OR9A4: variants seen among roughly 807,000 people sequenced by gnomAD.
OR9A4 encodes the protein olfactory receptor 9A4.
OR9A4 carries 16 observed loss-of-function variants against 17.1 expected under a neutral mutation model. The ratio of observed to expected loss-of-function variants is 0.94; its 90% CI spans 0.64 to 1.43. The LOEUF (loss-of-function observed/expected upper bound fraction) is 1.43. OR9A4 is among the 40% of genes most tolerant of loss of function. The pLI is 0.00. For missense variants in OR9A4, 392 were observed against 382.1 expected (o/e 1.03, Z -0.22); for synonymous variants, 167 against 143.3 (o/e 1.17, Z -1.18).
In OR9A4 at chr7:141,919,609, T is replaced by A; in HGVS notation, c.734T>A (p.Phe245Tyr). ...RKSFSTCASHFTCVVIGYGSC... is the reference protein window; with the variant it reads ...RKSFSTCASHYTCVVIGYGSC... Reference sequence around the variant, plus strand: ...TCCTTCTCCACTTGTGCCTCCCACTTCACCTGTGTTGTGATTGGCTACGGC... The same window carrying A: ...TCCTTCTCCACTTGTGCCTCCCACTACACCTGTGTTGTGATTGGCTACGGC... The change falls in exon 2 of 2, where the codon TTC (phenylalanine) becomes TAC (tyrosine). Residue 245 changes from phenylalanine (F) to tyrosine (Y), a missense_variant. Physicochemically the swap from Phe to Tyr is conservative, Grantham distance 22 (BLOSUM62 3). Coordinates refer to ENST00000641559, the MANE Select transcript of OR9A4 (RefSeq NM_001001656.3). 6.2e-7 allele frequency: 1 copy of A among 1,614,190 alleles called. No homozygotes were observed. Among genetic ancestry groups the A allele is most frequent in the Non-Finnish European group, 8.5e-7 (1 of 1,180,034 alleles).
rs1554439001 is a variant in OR9A4 at position 141,918,919 on chromosome 7, G to T, written c.44G>T (p.Gly15Val). ...AGTGCCACTGAATTTTATCTCCTTG[G>T]CTTCCCTGGCTCTGAAGAACTACAT... ...YSSATEFYLL[G>V]FPGSEELHHI... The change falls in exon 2 of 2, where the codon GGC (glycine) becomes GTC (valine). Residue 15 changes from glycine (G) to valine (V), a missense_variant. Coordinates refer to ENST00000641559, the MANE Select transcript of OR9A4 (RefSeq NM_001001656.3). 6.2e-7 allele frequency: 1 copy of T among 1,613,442 alleles called. No homozygotes were observed. The highest frequency in any genetic ancestry group is 2.2e-5 in the East Asian group (1 of 44,872).
rs1554439165 is a variant in OR9A4, at chr7:141,919,740, A to G, written c.865A>G (p.Ile289Val). Residue 289 changes from isoleucine (I) to valine (V), a missense_variant, in exon 2 of 2, where the codon ATC becomes GTC. Transcript: ENST00000641559. The part of the protein sequence containing the change: ...SVVTPFLNPF[I>V]FTLRNDKVIE... ...AGTAACTCCTTTCCTCAATCCTTTC[A>G]TCTTCACCCTCCGGAATGATAAAGT... The G allele has an allele frequency of 1.2e-6, 2 of 1,614,066 alleles. No individual in the cohort carries two copies. Among genetic ancestry groups the G allele is most frequent in the East Asian group, 2.2e-5 (1 of 44,862 alleles).
intron 1 of OR9A4, among the ~76,000 whole-genome samples, chr7:141,917,711 C>T (rs1156565724): frequency 1.3e-5 from 2 of 152,164 alleles, no homozygotes; most frequent in African/African-American, 4.8e-5. Flanking sequence ...AAGTTCCAGC[C>T]TCTTCACTCC....
At chr7:141,916,820 C>A (rs1229443960) in intron 1 of OR9A4, among the ~76,000 whole-genome samples, 184 bp downstream of exon 1, 1 of 152,166 alleles carries the variant, frequency 6.6e-6, no homozygotes, top group African/African-American at 2.4e-5. Flanking sequence ...AGGGCAGAAT[C>A]ATTTCTTCTC....
At position 141,919,732 on chromosome 7, in the gene OR9A4, A is replaced by G. The variant is rs1379170446; in HGVS notation, c.857A>G (p.Asn286Ser). Residue 286 changes from asparagine (N) to serine (S), a missense_variant, in exon 2 of 2, where the codon AAT becomes AGT. Physicochemically the swap from Asn to Ser is conservative, Grantham distance 46. Transcript: ENST00000641559. ...GTTTCAGTAGTAACTCCTTTCCTCA[A>G]TCCTTTCATCTTCACCCTCCGGAAT... is the stretch of plus-strand genomic sequence containing the variant. ...LMVSVVTPFLNPFIFTLRNDK... is the reference protein window; with the variant it reads ...LMVSVVTPFLSPFIFTLRNDK... 3 of 1,614,004 alleles carry G rather than the reference A, an allele frequency of 1.9e-6. No individual in the cohort carries two copies. Among genetic ancestry groups the G allele is most frequent in the African/African-American group, 2.7e-5 (2 of 74,898 alleles).
rs1563070027 is a variant in OR9A4 at position 141,919,512 on chromosome 7, C to G, written c.637C>G (p.Pro213Ala). ...TTTTGTTCTCTTTGGTTCTTTGATCCCTACAATTGTCTCCAACGCCTACAT... is the reference window on the plus strand; with the variant it reads ...TTTTGTTCTCTTTGGTTCTTTGATCGCTACAATTGTCTCCAACGCCTACAT... ...AVFVLFGSLI[P>A]TIVSNAYIIS... Residue 213 changes from proline (P) to alanine (A), a missense_variant, in exon 2 of 2, where the codon CCT (proline) becomes GCT (alanine). By Grantham distance (27) the Pro-to-Ala change is conservative. Coordinates refer to ENST00000641559, the MANE Select transcript of OR9A4 (RefSeq NM_001001656.3). 5.0e-6 allele frequency: 8 copies of G among 1,614,012 alleles called. No homozygotes were observed. The highest frequency in any genetic ancestry group is 1.1e-5 in the South Asian group (1 of 91,078).
At position 141,919,875 on chromosome 7, in the gene OR9A4, T is replaced by A; in HGVS notation, c.*55T>A. On this transcript the variant is annotated 3_prime_UTR_variant, in exon 2 of 2. Transcript: ENST00000641559. ...GCACTTAGTATGGATTCTAGAATAATCTGAAAAGAACTTGCTCATCTTTGA... is the reference window on the plus strand; with the variant it reads ...GCACTTAGTATGGATTCTAGAATAAACTGAAAAGAACTTGCTCATCTTTGA... 1 of 1,342,008 alleles carries A rather than the reference T, an allele frequency of 7.5e-7. No homozygotes were observed. The highest frequency in any genetic ancestry group is 1.0e-6 in the Non-Finnish European group (1 of 974,902). The allele number at this position is 1,342,008 out of a possible 1,614,324, so 83.1% of individuals were successfully genotyped here. A position where few individuals can be genotyped will look rare whatever the true frequency, so the allele number is the denominator to read the frequency against.
chr7:141,918,920 C>T lies in OR9A4; in HGVS notation c.45C>T (p.Gly15=). The stretch of plus-strand genomic sequence containing the variant: ...GTGCCACTGAATTTTATCTCCTTGG[C>T]TTCCCTGGCTCTGAAGAACTACATC... ...YSSATEFYLL[G]FPGSEELHHI... Residue 15 remains glycine, a synonymous_variant, in exon 2 of 2, where the codon GGC becomes GGT. Coordinates refer to ENST00000641559, the MANE Select transcript of OR9A4 (RefSeq NM_001001656.3). 3 of 1,613,362 alleles carry T rather than the reference C, an allele frequency of 1.9e-6. No homozygotes were observed. Among genetic ancestry groups the T allele is most frequent in the Non-Finnish European group, 2.5e-6 (3 of 1,179,574 alleles).
chr7:141,919,422 C>A lies in OR9A4; in HGVS notation c.547C>A (p.Gln183Lys), dbSNP rs782259837. 3.1e-6 allele frequency: 5 copies of A among 1,614,120 alleles called. No individual in the cohort carries two copies. The highest frequency in any genetic ancestry group is 4.2e-6 in the Non-Finnish European group (5 of 1,180,032). The change falls in exon 2 of 2, where the codon CAA (glutamine) becomes AAA (lysine). Residue 183 changes from glutamine to lysine, a missense_variant. By Grantham distance (53) the Gln-to-Lys change is moderately conservative (BLOSUM62 1). Transcript: ENST00000641559. Reference sequence around the variant, plus strand: ...GAACAATTTTTTTTGTGACCGAGGGCAATTGCTCAAACTATCCTGCAATAA... The same window carrying A: ...GAACAATTTTTTTTGTGACCGAGGGAAATTGCTCAAACTATCCTGCAATAA... The part of the protein sequence containing the change: ...VVNNFFCDRG[Q>K]LLKLSCNNTL...
Position 141,919,124 on chromosome 7 carries a change from A to T in OR9A4, c.249A>T (p.Gly83=). ...TAATCGTCCCCGTGATGCTTTGGGGATTGCTGCTCCCTGGGATGCAGACAA... is the reference window on the plus strand; with the variant it reads ...TAATCGTCCCCGTGATGCTTTGGGGTTTGCTGCTCCCTGGGATGCAGACAA... ...TTIIVPVMLW[G]LLLPGMQTIY... is the part of the protein sequence containing the mutation. The change falls in exon 2 of 2, where the codon GGA becomes GGT. Residue 83 remains glycine, a synonymous_variant. Transcript: ENST00000641559. 6.2e-7 allele frequency: 1 copy of T among 1,613,944 alleles called. No homozygotes were observed.
chr7:141,918,553 G>A (rs1364457066), intron 1 of OR9A4, among the ~76,000 whole-genome samples: 1 of 152,192 alleles, frequency 6.6e-6, no homozygotes, highest in Non-Finnish European at 1.5e-5. Flanking sequence ...CAGGGTGGCC[G>A]GTGAGAGCAG....
In OR9A4 at chr7:141,919,870, A is replaced by G; in HGVS notation, c.*50A>G. The G allele has an allele frequency of 7.3e-7, 1 of 1,363,044 alleles. No homozygotes were observed. The highest frequency in any genetic ancestry group is 1.4e-5 in the South Asian group (1 of 71,068). 84.4% of individuals were successfully genotyped at this position (1,363,044 alleles called of 1,614,324 possible). ...GTAAAGCACTTAGTATGGATTCTAG[A>G]ATAATCTGAAAAGAACTTGCTCATC... On this transcript the variant is annotated 3_prime_UTR_variant, in exon 2 of 2. Transcript: ENST00000641559.
chr7:141,917,282 A>G (rs938553665), intron 1 of OR9A4, among the ~76,000 whole-genome samples: 6 of 152,192 alleles, frequency 3.9e-5, no homozygotes, highest in Admixed American at 1.3e-4. Flanking sequence ...AGCCTAACAC[A>G]GGTTTGAGAG....
chr7:141,919,633 G>A lies in OR9A4; in HGVS notation c.758G>A (p.Gly253Asp). The change falls in exon 2 of 2, where the codon GGC becomes GAC. Residue 253 changes from glycine to aspartate, a missense_variant. Gly to Asp is a moderately conservative substitution (Grantham distance 94). Coordinates refer to ENST00000641559, the MANE Select transcript of OR9A4 (RefSeq NM_001001656.3). ...SHFTCVVIGY[G>D]SCLFLYVKPK... ...TTCACCTGTGTTGTGATTGGCTACG[G>A]CAGCTGCTTGTTTCTCTACGTGAAA... is the stretch of plus-strand genomic sequence containing the variant. 1 of 1,614,120 alleles carries A rather than the reference G, an allele frequency of 6.2e-7. No homozygotes were observed. The highest frequency in any genetic ancestry group is 1.1e-5 in the South Asian group (1 of 91,080).
chr7:141,917,646 C>T (rs1305180669), intron 1 of OR9A4, among the ~76,000 whole-genome samples: 1 of 152,174 alleles, frequency 6.6e-6, no homozygotes, highest in South Asian at 2.1e-4. Context: ...CACACCACAG[C>T]TGTTTTCTTG....
intron 1 of OR9A4, among the ~76,000 whole-genome samples, chr7:141,917,752 A>G (rs1255495327): frequency 6.6e-6 from 1 of 152,154 alleles, no homozygotes; most frequent in African/African-American, 2.4e-5. Flanking sequence ...TTGTCATCTC[A>G]TAACAAGAGG....
rs529433570 is a variant in OR9A4 at position 141,919,419 on chromosome 7, G to A, written c.544G>A (p.Gly182Arg). The change falls in exon 2 of 2, where the codon GGG (glycine) becomes AGG (arginine). Residue 182 changes from glycine to arginine, a missense_variant. Coordinates refer to ENST00000641559, the MANE Select transcript of OR9A4 (RefSeq NM_001001656.3). ...NVVNNFFCDR[G>R]QLLKLSCNNT... The stretch of plus-strand genomic sequence containing the variant: ...GGTGAACAATTTTTTTTGTGACCGA[G>A]GGCAATTGCTCAAACTATCCTGCAA... 1 of 1,614,004 alleles carries A rather than the reference G, an allele frequency of 6.2e-7. No individual in the cohort carries two copies. The highest frequency in any genetic ancestry group is 1.1e-5 in the South Asian group (1 of 91,080).
At chr7:141,917,274 C>G (rs1802200368) in intron 1 of OR9A4, among the ~76,000 whole-genome samples, 1 of 152,022 alleles carries the variant, frequency 6.6e-6, no homozygotes, top group East Asian at 1.9e-4. Context: ...AAAAATGTAG[C>G]CTAACACAGG....
chr7:141,919,257 A>G lies in OR9A4; in HGVS notation c.382A>G (p.Asn128Asp). 1 of 1,614,108 alleles carries G rather than the reference A, an allele frequency of 6.2e-7. No homozygotes were observed. Among genetic ancestry groups the G allele is most frequent in the South Asian group, 1.1e-5 (1 of 91,082 alleles). ...MAVDRYVAVC[N>D]PLRYNIIMNR... Reference sequence around the variant, plus strand: ...TGTGGACCGTTATGTGGCTGTCTGTAACCCTCTGAGGTACAACATCATTAT... The same window carrying G: ...TGTGGACCGTTATGTGGCTGTCTGTGACCCTCTGAGGTACAACATCATTAT... The change falls in exon 2 of 2, where the codon AAC becomes GAC. Residue 128 changes from asparagine (N) to aspartate (D), a missense_variant. Asn to Asp is a conservative substitution (Grantham distance 23, BLOSUM62 1). Transcript: ENST00000641559.
Sources: gnomAD v4.1 joint callset for allele counts (sites outside exome capture counted in the v4.1 genomes callset) on GRCh38, gnomAD v4.1.1 for gene constraint, MANE v1.5 for transcripts, NCBI Gene and HGNC (gene_info 2026-07-23, HGNC 2026-07-21) for gene names.